CRACD: variants seen among roughly 807,000 people sequenced by gnomAD.
CRACD encodes capping protein-inhibiting regulator of actin dynamics.
In CRACD, 56 loss-of-function variants were observed where a neutral mutation model predicts 106.8. That is an observed-to-expected ratio of 0.52 (90% CI 0.42 to 0.66). The LOEUF (loss-of-function observed/expected upper bound fraction) is 0.66. Among genes scored for constraint, CRACD ranks in the 30% least tolerant of loss-of-function variants. CRACD has a pLI of 0.00. For missense variants in CRACD, 1,730 were observed against 1,623.2 expected (o/e 1.07, Z -1.13); for synonymous variants, 754 against 670.8 (o/e 1.12, Z -1.92).
At chr4:56,083,838 G>A (rs1030555341) in intron 1 of CRACD, among the ~76,000 whole-genome samples, 7 of 152,076 alleles carry the variant, frequency 4.6e-5, no homozygotes, top group South Asian at 2.1e-4. Context: ...TTAGCTGGGC[G>A]TGGTGGTGCA....
At chr4:56,102,324 G>C (rs1432814625) in intron 1 of CRACD, among the ~76,000 whole-genome samples, 2 of 151,996 alleles carry the variant, frequency 1.3e-5, no homozygotes, top group African/African-American at 2.4e-5. Context: ...TTAACTACTT[G>C]GGTTTTTTAA....
At chr4:56,205,704 C>T (rs1738092164) in intron 2 of CRACD, among the ~76,000 whole-genome samples, 1 of 152,114 alleles carries the variant, frequency 6.6e-6, no homozygotes, top group South Asian at 2.1e-4. Context: ...TCCTGAACTG[C>T]TGGGCTCAAG....
At chr4:56,173,925 T>C (rs972718197) in intron 1 of CRACD, among the ~76,000 whole-genome samples, 1 of 152,206 alleles carries the variant, frequency 6.6e-6, no homozygotes, top group African/African-American at 2.4e-5. Flanking sequence ...TCCTAGTAGG[T>C]GTGAGGTGGT....
At chr4:56,323,274 T>C (rs1746218346) in intron 8 of CRACD, 103 bp from the exon 9 acceptor site, 4 of 988,324 alleles carry the variant, frequency 4.0e-6, no homozygotes, top group Non-Finnish European at 6.0e-6. Flanking sequence ...CAGCTGAATA[T>C]GCCATAGGGT....
intron 2 of CRACD, among the ~76,000 whole-genome samples, chr4:56,205,822 T>C (rs986268579): frequency 6.6e-6 from 1 of 152,194 alleles, no homozygotes; most frequent in Non-Finnish European, 1.5e-5. Context: ...CAGATTTGTT[T>C]GTCATTTTTA....
At chr4:56,213,115 A>C (rs1266155462) in intron 2 of CRACD, among the ~76,000 whole-genome samples, 1 of 152,188 alleles carries the variant, frequency 6.6e-6, no homozygotes, top group Non-Finnish European at 1.5e-5. Flanking sequence ...CTCACTTCAG[A>C]TGCCATCTGT....
intron 2 of CRACD, among the ~76,000 whole-genome samples, chr4:56,217,654 TC>T (rs1248085347): frequency 1.3e-5 from 2 of 151,918 alleles, no homozygotes; most frequent in East Asian, 3.9e-4. Context: ...ACTTAAAGAG[TC>T]CGTTCTGTCA....
intron 2 of CRACD, among the ~76,000 whole-genome samples, chr4:56,202,963 T>C (rs1737953321): frequency 6.6e-6 from 1 of 152,196 alleles, no homozygotes; most frequent in Admixed American, 6.5e-5. Flanking sequence ...CTAATCAGTT[T>C]GTCTAATTGC....
rs899457866 is a variant in CRACD, at chr4:56,195,739, G to A, written c.-189+16309G>A. Among the ~76,000 whole-genome samples, 5 of 152,194 alleles carry A rather than the reference G, an allele frequency of 3.3e-5. No homozygotes were observed. In the South Asian group the frequency reaches 6.2e-4, roughly 19 times the overall value. On this transcript the variant is annotated intron_variant, in intron 2 of 10. Coordinates refer to ENST00000682029, the MANE Select transcript of CRACD (RefSeq NM_001393381.1). ...AATGAGTATCTGTGAAAACTTCTGC[G>A]TTATTGGGAAAATAACACAGGAACA...
At chr4:56,284,493 G>A (rs1309798663) in intron 3 of CRACD, among the ~76,000 whole-genome samples, 2 of 152,070 alleles carry the variant, frequency 1.3e-5, no homozygotes, top group South Asian at 2.1e-4. Flanking sequence ...GGGAGGCTGA[G>A]GCAGGTGGAT....
At chr4:56,098,967 T>C (rs1035822871) in intron 1 of CRACD, among the ~76,000 whole-genome samples, 3 of 152,178 alleles carry the variant, frequency 2.0e-5, no homozygotes, top group Admixed American at 6.5e-5. Flanking sequence ...GTGTGAGCCA[T>C]GGTGCCCAGC....
chr4:56,170,983 G>C (rs182940854), intron 1 of CRACD, among the ~76,000 whole-genome samples: 1 of 152,322 alleles, frequency 6.6e-6, no homozygotes, highest in African/African-American at 2.4e-5. Flanking sequence ...ATAGGATGCT[G>C]CAGCAAGTCA....
chr4:56,205,012 C>T lies in CRACD; in HGVS notation c.-189+25582C>T, dbSNP rs534540390. On this transcript the variant is annotated intron_variant, in intron 2 of 10. Transcript: ENST00000682029. The stretch of plus-strand genomic sequence containing the variant: ...TTTCTACAAAAAATAAAAACTTAAC[C>T]GGGTGTGGTGGCATGTGCCTGTAGT... Among the ~76,000 whole-genome samples, 42 of 152,102 alleles carry T rather than the reference C, an allele frequency of 2.8e-4. 2 individuals carry two copies. The highest frequency in any genetic ancestry group is 8.4e-4 in the African/African-American group (35 of 41,510).
At chr4:56,228,512 A>G (rs1252729502) in intron 2 of CRACD, among the ~76,000 whole-genome samples, 2 of 151,570 alleles carry the variant, frequency 1.3e-5, no homozygotes, top group African/African-American at 4.8e-5. Flanking sequence ...CTGTAATCCC[A>G]TAATCGCAGC....
chr4:56,289,909 T>G (rs1245802966), intron 3 of CRACD, among the ~76,000 whole-genome samples: 1 of 152,228 alleles, frequency 6.6e-6, no homozygotes, highest in Non-Finnish European at 1.5e-5. Flanking sequence ...CTGTTTTGAT[T>G]GAGTCTCTCT....
intron 3 of CRACD, among the ~76,000 whole-genome samples, chr4:56,280,436 C>T (rs1742970110): frequency 6.6e-6 from 1 of 152,178 alleles, no homozygotes; most frequent in African/African-American, 2.4e-5. Context: ...CTTGAGTTTT[C>T]TGCACAAATG....
chr4:56,175,896 A>G (rs1033940117), intron 1 of CRACD, among the ~76,000 whole-genome samples: 4 of 152,140 alleles, frequency 2.6e-5, no homozygotes, highest in Admixed American at 6.6e-5. Context: ...GTTTTCTTGT[A>G]GTAGTTTCAT....
intron 8 of CRACD, among the ~76,000 whole-genome samples, chr4:56,317,421 C>T (rs755432215): frequency 1.3e-5 from 2 of 152,188 alleles, no homozygotes; most frequent in African/African-American, 2.4e-5. Context: ...GTCTGCAGTT[C>T]ACTCTTGATA....
At chr4:56,247,319 A>G (rs962035344) in intron 2 of CRACD, among the ~76,000 whole-genome samples, 6 of 152,164 alleles carry the variant, frequency 3.9e-5, no homozygotes, top group Admixed American at 1.3e-4. Flanking sequence ...TATTCTTATG[A>G]TAGTCTTTTC....
Sources: allele counts gnomAD v4.1 joint callset (sites outside exome capture counted in the v4.1 genomes callset), GRCh38; gene constraint gnomAD v4.1.1; transcripts MANE v1.5; gene names NCBI Gene and HGNC (gene_info 2026-07-23, HGNC 2026-07-21).